The following SNRNP48 variants were observed in gnomAD, a reference collection of about 807,000 sequenced individuals.
SNRNP48 encodes the protein U11/U12 small nuclear ribonucleoprotein 48 kDa protein.
A neutral mutation model predicts 47.0 loss-of-function variants in SNRNP48; 43 were observed. The ratio of observed to expected loss-of-function variants is 0.92; its 90% CI spans 0.72 to 1.18. The LOEUF (loss-of-function observed/expected upper bound fraction) is 1.18, where lower values mean the gene tolerates loss of function less well. Ranked by LOEUF, SNRNP48 falls within the 50% of genes most tolerant of loss-of-function variation. The probability of loss-of-function intolerance (pLI) is 0.00; values close to 1 mark genes in which losing one functional copy is unlikely to be tolerated. For missense variants in SNRNP48, 396 were observed against 422.2 expected, an observed-to-expected ratio of 0.94 and a Z score of 0.54; for synonymous variants, 138 against 144.0, an observed-to-expected ratio of 0.96 and a Z score of 0.30.
intron 5 of SNRNP48, among the ~76,000 whole-genome samples, chr6:7,602,263 G>T (rs1421708497): frequency 2.0e-5 from 3 of 152,166 alleles, no homozygotes; most frequent in Admixed American, 6.5e-5. Flanking sequence ...AGCATCCATG[G>T]ATTTTGATAT....
intron 4 of SNRNP48, among the ~76,000 whole-genome samples, chr6:7,599,350 G>A (rs1759969476): frequency 6.6e-6 from 1 of 152,160 alleles, no homozygotes; most frequent in African/African-American, 2.4e-5. Flanking sequence ...GAGATGGATA[G>A]AGGTTGCACA....
Position 7,610,155 on chromosome 6 carries a change from G to A in SNRNP48, c.*1282G>A, listed in dbSNP as rs569924191. 3 of 152,212 alleles carry A rather than the reference G, an allele frequency of 2.0e-5. No individual in the cohort carries two copies. The highest frequency in any genetic ancestry group is 1.9e-4 in the East Asian group (1 of 5,188). 9.4% of individuals were successfully genotyped at this position (152,212 alleles called of 1,614,324 possible). A position where few individuals can be genotyped will look rare whatever the true frequency, so the allele number is the denominator to read the frequency against. On this transcript the variant is annotated 3_prime_UTR_variant, in exon 9 of 9. Coordinates refer to ENST00000342415, the MANE Select transcript of SNRNP48 (RefSeq NM_152551.4). ...CTTTGGCATGAAATGTTAAGCATCC[G>A]ACATCTAAATAGCAATATTTTGAAT...
At chr6:7,599,218 C>CTA (rs1261833333) in intron 4 of SNRNP48, among the ~76,000 whole-genome samples, 1 of 152,118 alleles carries the variant, frequency 6.6e-6, no homozygotes, top group Non-Finnish European at 1.5e-5. Flanking sequence ...CCTACTAGTA[C>CTA]TATTTAATGT....
In SNRNP48 at chr6:7,597,412, T is replaced by A. The variant is rs189286127; in HGVS notation, c.406+2311T>A. 2.6e-5 allele frequency among the ~76,000 whole-genome samples: 4 copies of A among 152,356 alleles called. No individual in the cohort carries two copies. In the East Asian group the frequency reaches 7.7e-4, roughly 29 times the overall value. ...GTGACTATCAGTGCTGTTCATTGTT[T>A]ATTCTGCTTTGTGTAAACCTGTTTT... On this transcript the variant is annotated intron_variant, in intron 4 of 8. Transcript: ENST00000342415.
chr6:7,608,279 G>A (rs371851467), intron 8 of SNRNP48, among the ~76,000 whole-genome samples: 3 of 152,162 alleles, frequency 2.0e-5, no homozygotes, highest in Non-Finnish European at 2.9e-5. Context: ...GAGACAGGCC[G>A]GGCGTGGTGG....
rs900948209 is a variant in SNRNP48, at chr6:7,609,991, A to C, written c.*1118A>C. The C allele has an allele frequency of 5.9e-5, 9 of 152,170 alleles. No individual in the cohort carries two copies. The East Asian group carries it at 7.7e-4, about 13-fold the overall frequency. The allele number at this position is 152,170 out of a possible 1,614,324, so 9.4% of individuals were successfully genotyped here. A position where few individuals can be genotyped will look rare whatever the true frequency, so the allele number is the denominator to read the frequency against. On this transcript the variant is annotated 3_prime_UTR_variant, in exon 9 of 9. Transcript: ENST00000342415. ...ATTAGATCTATCCATTGTAGAATTCATGTAAATAGAATACTGTAGTATGTA... is the reference window on the plus strand; with the variant it reads ...ATTAGATCTATCCATTGTAGAATTCCTGTAAATAGAATACTGTAGTATGTA...
intron 4 of SNRNP48, among the ~76,000 whole-genome samples, chr6:7,598,634 T>G (rs1561712907): frequency 2.6e-5 from 4 of 152,224 alleles, no homozygotes. Flanking sequence ...AATATCTTAT[T>G]GATGTATTTA....
chr6:7,596,836 T>C (rs1371916494), intron 4 of SNRNP48, among the ~76,000 whole-genome samples: 1 of 152,118 alleles, frequency 6.6e-6, no homozygotes, highest in African/African-American at 2.4e-5. Flanking sequence ...CATAAAAAAG[T>C]TGAGGTTTTT....
chr6:7,609,885 C>G lies in SNRNP48; in HGVS notation c.*1012C>G, dbSNP rs946117062. On this transcript the variant is annotated 3_prime_UTR_variant, in exon 9 of 9. Coordinates refer to ENST00000342415, the MANE Select transcript of SNRNP48 (RefSeq NM_152551.4). ...TCAAGATACAAATATTTTCATTGCC[C>G]CCAAAATTCTCATACCCCCTTTCCC... is the stretch of plus-strand genomic sequence containing the variant. The G allele has an allele frequency of 5.3e-5, 8 of 151,738 alleles. No individual in the cohort carries two copies. Among genetic ancestry groups the G allele is most frequent in the African/African-American group, 1.9e-4 (8 of 41,250 alleles). The allele number at this position is 151,738 out of a possible 1,614,324, so 9.4% of individuals were successfully genotyped here. A position where few individuals can be genotyped will look rare whatever the true frequency, so the allele number is the denominator to read the frequency against.
In SNRNP48 at chr6:7,590,217, C is replaced by G. The variant is rs1322994447; in HGVS notation, c.-41C>G. On this transcript the variant is annotated 5_prime_UTR_variant, in exon 1 of 9. Transcript: ENST00000342415. The stretch of plus-strand genomic sequence containing the variant: ...GCTCCCAGAGGCCTGCGCGTGCGGT[C>G]TGCAGTTCGGCCGCTTCCTCTTGGC... 1.6e-6 allele frequency: 2 copies of G among 1,275,394 alleles called. No homozygotes were observed. Among genetic ancestry groups the G allele is most frequent in the Non-Finnish European group, 1.0e-6 (1 of 1,003,216 alleles). 79.0% of individuals were successfully genotyped at this position (1,275,394 alleles called of 1,614,324 possible). A position where few individuals can be genotyped will look rare whatever the true frequency, so the allele number is the denominator to read the frequency against.
chr6:7,608,714 A>T, intron 8 of SNRNP48, 111 bp from the exon 9 acceptor site: 2 of 465,782 alleles, frequency 4.3e-6, no homozygotes, highest in Non-Finnish European at 7.3e-6. Flanking sequence ...ATAGAATGTT[A>T]AAGTAGCATA....
Position 7,602,471 on chromosome 6 carries a change from C to T in SNRNP48, c.596-152C>T, listed in dbSNP as rs553372327. The T allele has an allele frequency of 3.4e-5, 19 of 552,338 alleles. No homozygotes were observed. In the African/African-American group the frequency reaches 3.7e-4, roughly 11 times the overall value. The allele number at this position is 552,338 out of a possible 1,614,324, so 34.2% of individuals were successfully genotyped here. On this transcript the variant is annotated intron_variant, in intron 5 of 8. Transcript: ENST00000342415. ...AGAGAAGAAATGATATAAAACTTAG[C>T]CCGTGTATATAAATAATATACAATT...
chr6:7,608,763 A>T, intron 8 of SNRNP48, 62 bp from the exon 9 acceptor site: 1 of 886,322 alleles, frequency 1.1e-6, no homozygotes. Context: ...GAATTATTTT[A>T]AAGCTCTGAT....
At chr6:7,605,270 A>T in intron 6 of SNRNP48, 128 bp from the exon 7 acceptor site, 1 of 691,560 alleles carries the variant, frequency 1.4e-6, no homozygotes, top group South Asian at 1.9e-5. Context: ...AAACTGCACA[A>T]GTCCCACAGT....
At chr6:7,590,535 G>A in intron 1 of SNRNP48, 122 bp downstream of exon 1, 1 of 1,111,516 alleles carries the variant, frequency 9.0e-7, no homozygotes, top group Middle Eastern at 2.9e-4. Flanking sequence ...CGTGTGCAGA[G>A]CCGCGATGGG....
At position 7,611,281 on chromosome 6, in the gene SNRNP48, T is replaced by C. The variant is rs1201585861; in HGVS notation, c.*2408T>C. 6.6e-6 allele frequency: 1 copy of C among 152,240 alleles called. No individual in the cohort carries two copies. Among genetic ancestry groups the C allele is most frequent in the African/African-American group, 2.4e-5 (1 of 41,450 alleles). 9.4% of individuals were successfully genotyped at this position (152,240 alleles called of 1,614,324 possible). On this transcript the variant is annotated 3_prime_UTR_variant, in exon 9 of 9. Transcript: ENST00000342415. ...AACTCCTGGGCTCAGATGATCCTCC[T>C]GTCCTCAGCCTCCCAAAATGCTGGG...
At position 7,596,198 on chromosome 6, in the gene SNRNP48, G is replaced by A. The variant is rs537303610; in HGVS notation, c.406+1097G>A. Among the ~76,000 whole-genome samples the A allele has an allele frequency of 2.0e-3, 310 of 152,138 alleles. 1 individual carries two copies. The highest frequency in any genetic ancestry group is 7.1e-3 in the African/African-American group (293 of 41,520). On this transcript the variant is annotated intron_variant, in intron 4 of 8. Transcript: ENST00000342415. ...GAAGAATTGCTTGAACCCAGGAGGC[G>A]GAGGTTTCATTGAGCCAAGATTGCA...
intron 6 of SNRNP48, among the ~76,000 whole-genome samples, chr6:7,603,957 A>C (rs1581839123): frequency 6.6e-6 from 1 of 152,360 alleles, no homozygotes; most frequent in Middle Eastern, 3.4e-3. Flanking sequence ...ACATATACTA[A>C]AGTGGATAGC....
intron 6 of SNRNP48, among the ~76,000 whole-genome samples, chr6:7,605,005 G>GGC (rs1046863426): frequency 1.4e-5 from 2 of 145,652 alleles, no homozygotes; most frequent in Non-Finnish European, 3.0e-5. Flanking sequence ...GCTTCTCATT[G>GGC]GCACTCTCTC....
Sources: gnomAD v4.1 joint callset for allele counts (sites outside exome capture counted in the v4.1 genomes callset) on GRCh38, gnomAD v4.1.1 for gene constraint, MANE v1.5 for transcripts, NCBI Gene and HGNC (gene_info 2026-07-23, HGNC 2026-07-21) for gene names.